Variants in PCGF5 observed in about 807,000 individuals in gnomAD.
PCGF5 encodes the protein polycomb group ring finger 5.
In PCGF5, 9 loss-of-function variants were observed where a neutral mutation model predicts 44.3. The ratio of observed to expected loss-of-function variants is 0.20; its 90% CI spans 0.12 to 0.35. PCGF5 has a LOEUF of 0.35. PCGF5 is among the 10% of genes least tolerant of loss of function. The pLI is 1.00. For synonymous variants in PCGF5, 95 were observed against 102.5 expected (o/e 0.93, Z 0.44); for missense variants, 146 against 305.3 (o/e 0.48, Z 3.89).
chr10:91,266,928 C>T (rs935312893), intron 8 of PCGF5, among the ~76,000 whole-genome samples: 1 of 152,158 alleles, frequency 6.6e-6, no homozygotes, highest in Non-Finnish European at 1.5e-5. Context: ...ACCCTTGTCC[C>T]ACCTCTATCT....
chr10:91,176,797 A>T (rs1486862222), intron 1 of PCGF5, among the ~76,000 whole-genome samples: 1 of 152,146 alleles, frequency 6.6e-6, no homozygotes, highest in Non-Finnish European at 1.5e-5. Context: ...TATTCTAGTT[A>T]GCCATTCATC....
chr10:91,257,375 A>G (rs1845782372), intron 6 of PCGF5, among the ~76,000 whole-genome samples: 2 of 152,104 alleles, frequency 1.3e-5, no homozygotes, highest in African/African-American at 2.4e-5. Context: ...AAGTGCAGCT[A>G]CTGTGGAAAA....
At chr10:91,195,529 G>C (rs1264652786) in intron 1 of PCGF5, among the ~76,000 whole-genome samples, 3 of 150,794 alleles carry the variant, frequency 2.0e-5, no homozygotes, top group Admixed American at 6.6e-5. Flanking sequence ...CTGTCACTCA[G>C]ACGGGAGTGC....
intron 3 of PCGF5, among the ~76,000 whole-genome samples, chr10:91,241,868 T>A (rs1845337181): frequency 6.6e-6 from 1 of 152,070 alleles, no homozygotes; most frequent in Non-Finnish European, 1.5e-5. Context: ...AGCCCTGTGG[T>A]TTTCAAAGTG....
At chr10:91,231,324 G>A (rs1406868599) in intron 2 of PCGF5, among the ~76,000 whole-genome samples, 2 of 152,184 alleles carry the variant, frequency 1.3e-5, no homozygotes, top group East Asian at 1.9e-4. Context: ...TATATTAGGT[G>A]ATAAATACTG....
rs1005037284 is a variant in PCGF5 at position 91,283,213 on chromosome 10, G to T, written c.*4897G>T. 2 of 152,048 alleles carry T rather than the reference G, an allele frequency of 1.3e-5. No homozygotes were observed. Among genetic ancestry groups the T allele is most frequent in the Admixed American group, 1.3e-4 (2 of 15,266 alleles). The allele number at this position is 152,048 out of a possible 1,614,324, so 9.4% of individuals were successfully genotyped here. A position where few individuals can be genotyped will look rare whatever the true frequency, so the allele number is the denominator to read the frequency against. ...CAGTTTTCATAAATAATGTTTACTT[G>T]CTTTCTTTATATTTTCAAATAAAAT... On this transcript the variant is annotated 3_prime_UTR_variant, in exon 10 of 10. Coordinates refer to ENST00000336126, the MANE Select transcript of PCGF5 (RefSeq NM_032373.5).
In PCGF5 at chr10:91,282,756, G is replaced by A. The variant is rs979447536; in HGVS notation, c.*4440G>A. On this transcript the variant is annotated 3_prime_UTR_variant, in exon 10 of 10. Coordinates refer to ENST00000336126, the MANE Select transcript of PCGF5 (RefSeq NM_032373.5). ...GATGCACACTCTATTACATACTCTGGTTTATCATAAGGAATTTTCCAGAAA... is the reference window on the plus strand; with the variant it reads ...GATGCACACTCTATTACATACTCTGATTTATCATAAGGAATTTTCCAGAAA... 1 of 152,488 alleles carries A rather than the reference G, an allele frequency of 6.6e-6. No individual in the cohort carries two copies. The highest frequency in any genetic ancestry group is 2.4e-5 in the African/African-American group (1 of 41,378). The allele number at this position is 152,488 out of a possible 1,614,324, so 9.4% of individuals were successfully genotyped here. A position where few individuals can be genotyped will look rare whatever the true frequency, so the allele number is the denominator to read the frequency against.
intron 1 of PCGF5, among the ~76,000 whole-genome samples, chr10:91,172,776 C>T (rs559753037): frequency 6.6e-6 from 1 of 152,134 alleles, no homozygotes; most frequent in Admixed American, 6.5e-5. Context: ...GAAAGGTTTG[C>T]GCATAGGTCC....
At chr10:91,207,725 A>G (rs191684896) in intron 1 of PCGF5, among the ~76,000 whole-genome samples, 6 of 152,214 alleles carry the variant, frequency 3.9e-5, no homozygotes, top group African/African-American at 1.2e-4. Flanking sequence ...CATGACATTA[A>G]TATTTTCAAA....
chr10:91,159,249 A>G (rs1030914142), upstream of PCGF5, among the ~76,000 whole-genome samples: 1 of 151,728 alleles, frequency 6.6e-6, no homozygotes, highest in Non-Finnish European at 1.5e-5. Flanking sequence ...AGGAAGTCAT[A>G]ATTTTTTTTT....
At chr10:91,228,254 A>G (rs1480544158) in intron 2 of PCGF5, among the ~76,000 whole-genome samples, 1 of 152,198 alleles carries the variant, frequency 6.6e-6, no homozygotes, top group Non-Finnish European at 1.5e-5. Flanking sequence ...TTAAAACAAA[A>G]GACTTTTTAC....
At chr10:91,234,565 C>T (rs1403428870) in intron 2 of PCGF5, among the ~76,000 whole-genome samples, 2 of 152,148 alleles carry the variant, frequency 1.3e-5, no homozygotes, top group African/African-American at 2.4e-5. Flanking sequence ...CAAGTTCCAT[C>T]GGCATGATAT....
intron 1 of PCGF5, among the ~76,000 whole-genome samples, chr10:91,184,744 A>T (rs1435295806): frequency 6.6e-6 from 1 of 150,692 alleles, no homozygotes; most frequent in Non-Finnish European, 1.5e-5. Flanking sequence ...TCCTATTTTT[A>T]AAATCTGGCT....
At position 91,209,485 on chromosome 10, in the gene PCGF5, G is replaced by A. The variant is rs1844409352; in HGVS notation, c.-183-13204G>A. On this transcript the variant is annotated intron_variant, in intron 1 of 9. Coordinates refer to the PCGF5 transcript ENST00000614189. ...TAAAAAGAAAAAGGAGGCCGGGCGC[G>A]GTGGCTCACGCCTGTAATCCCAGCA... 2.0e-3 allele frequency among the ~76,000 whole-genome samples: 2 copies of A among 1,002 alleles called. 1 individual carries two copies. Among genetic ancestry groups the A allele is most frequent in the Non-Finnish European group, 2.6e-3 (2 of 784 alleles). 0.7% of individuals were successfully genotyped at this position (1,002 alleles called of 152,430 possible). A position where few individuals can be genotyped will look rare whatever the true frequency, so the allele number is the denominator to read the frequency against.
intron 8 of PCGF5, among the ~76,000 whole-genome samples, chr10:91,267,214 A>C: frequency 6.6e-6 from 1 of 150,738 alleles, no homozygotes; most frequent in African/African-American, 2.4e-5. Flanking sequence ...CGTTTCCTTT[A>C]CCCCCTTCAC....
At chr10:91,268,770 G>A (rs1248734190) in intron 8 of PCGF5, among the ~76,000 whole-genome samples, 1 of 152,144 alleles carries the variant, frequency 6.6e-6, no homozygotes, top group African/African-American at 2.4e-5. Flanking sequence ...GCTCTCCTTT[G>A]TCTTGGGGTA....
chr10:91,186,270 G>C (rs7902531), intron 1 of PCGF5, among the ~76,000 whole-genome samples: 3 of 152,048 alleles, frequency 2.0e-5, no homozygotes, highest in Admixed American at 6.5e-5. Flanking sequence ...TGTACCAGGC[G>C]TTCATTCACC....
chr10:91,254,036 A>G (rs1040807425), intron 6 of PCGF5, among the ~76,000 whole-genome samples: 2 of 152,072 alleles, frequency 1.3e-5, no homozygotes, highest in Middle Eastern at 3.2e-3. Context: ...GGCCTGTACA[A>G]TTAAGTCATA....
intron 1 of PCGF5, among the ~76,000 whole-genome samples, chr10:91,210,502 AC>A (rs1844430336): frequency 6.6e-6 from 1 of 152,220 alleles, no homozygotes; most frequent in Admixed American, 6.5e-5. Flanking sequence ...AAACTGGATA[AC>A]TGGCTTAGCT....
Sources: gnomAD v4.1 joint callset for allele counts (sites outside exome capture counted in the v4.1 genomes callset) on GRCh38, gnomAD v4.1.1 for gene constraint, MANE v1.5 for transcripts, NCBI Gene and HGNC (gene_info 2026-07-23, HGNC 2026-07-21) for gene names.